The following SPTAN1 variants were observed in gnomAD, a reference collection of about 807,000 sequenced individuals.
The protein encoded by SPTAN1 is spectrin alpha, non-erythrocytic 1.
A neutral mutation model predicts 331.3 loss-of-function variants in SPTAN1; 61 were observed. The observed-to-expected ratio is 0.18, with a 90% CI of 0.15 to 0.23. The LOEUF (loss-of-function observed/expected upper bound fraction) is 0.23. SPTAN1 is among the 10% of genes least tolerant of loss of function. SPTAN1 has a pLI of 1.00. For synonymous variants in SPTAN1, 1,153 were observed against 1,173.9 expected, an observed-to-expected ratio of 0.98 and a Z score of 0.36; for missense variants, 2,043 against 3,147.9, an observed-to-expected ratio of 0.65 and a Z score of 8.40.
At position 128,574,678 on chromosome 9, in the gene SPTAN1, C is replaced by T. The variant is rs769857503; in HGVS notation, c.367C>T (p.Arg123Cys). The T allele has an allele frequency of 3.7e-6, 6 of 1,614,108 alleles. No homozygotes were observed. The highest frequency in any genetic ancestry group is 2.2e-5 in the East Asian group (1 of 44,890). ...GHFASETIRT[R>C]LMELHRQWEL... The stretch of plus-strand genomic sequence containing the variant: ...AACTCTGATTTGAAACTTTCAGACC[C>T]GTTTGATGGAGCTGCACCGCCAGTG... The change falls in exon 4 of 57, where the codon CGT becomes TGT. Residue 123 changes from arginine to cysteine, a missense_variant. Coordinates refer to ENST00000372739, the MANE Select transcript of SPTAN1 (RefSeq NM_001130438.3).
intron 45 of SPTAN1, among the ~76,000 whole-genome samples, chr9:128,622,821 C>T (rs1309620704): frequency 2.0e-5 from 3 of 151,938 alleles, no homozygotes; most frequent in African/African-American, 4.8e-5. Flanking sequence ...GGCGCAATCT[C>T]ACCTCACTGC....
intron 1 of SPTAN1, among the ~76,000 whole-genome samples, chr9:128,554,500 G>A (rs1271889658): frequency 2.6e-5 from 4 of 152,188 alleles, no homozygotes; most frequent in Admixed American, 6.5e-5. Flanking sequence ...TTCATCCAAA[G>A]TTGGGGGTCA....
At chr9:128,632,092 C>A (rs1406371108) in intron 52 of SPTAN1, 35 bp from the exon 53 acceptor site, 1 of 1,606,764 alleles carries the variant, frequency 6.2e-7, no homozygotes, top group South Asian at 1.1e-5. Context: ...AGCTGAGGGC[C>A]CCCGTCTGAG....
chr9:128,609,237 T>G lies in SPTAN1; in HGVS notation c.4711T>G (p.Leu1571Val). The G allele has an allele frequency of 6.2e-7, 1 of 1,614,156 alleles. No homozygotes were observed. The highest frequency in any genetic ancestry group is 8.5e-7 in the Non-Finnish European group (1 of 1,180,022). ...GATTGAGGCTTGGATCAGTGAAAAA[T>G]TGCAAACAGCGAGTGATGAGTCGTA... is the stretch of plus-strand genomic sequence containing the variant. The part of the protein sequence containing the change: ...DEIEAWISEK[L>V]QTASDESYKD... The change falls in exon 36 of 57, where the codon TTG becomes GTG. Residue 1571 changes from leucine to valine, a missense_variant. This residue lies in a region of SPTAN1 where 323 missense variants were observed against 581.1 expected (regional missense o/e 0.56). Coordinates refer to ENST00000372739, the MANE Select transcript of SPTAN1 (RefSeq NM_001130438.3).
chr9:128,574,037 G>A (rs1005297785), intron 3 of SPTAN1, among the ~76,000 whole-genome samples: 1 of 152,202 alleles, frequency 6.6e-6, no homozygotes, highest in Non-Finnish European at 1.5e-5. Flanking sequence ...ACAGGCATGA[G>A]CCGCTGCACC....
rs780978085 is a variant in SPTAN1, at chr9:128,632,204, C to T, written c.6840C>T (p.Ala2280=). 6.2e-7 allele frequency: 1 copy of T among 1,613,492 alleles called. No homozygotes were observed. Among genetic ancestry groups the T allele is most frequent in the Non-Finnish European group, 8.5e-7 (1 of 1,180,018 alleles). Reference sequence around the variant, plus strand: ...ACCTGGGGGCCGCCATGGAGGAGGCCCTCATCCTGGACAACAAGTACACGG... The same window carrying T: ...ACCTGGGGGCCGCCATGGAGGAGGCTCTCATCCTGGACAACAAGTACACGG... The part of the protein sequence containing the change: ...IEDLGAAMEE[A]LILDNKYTEH... Residue 2280 remains alanine, a synonymous_variant, in exon 53 of 57, where the codon GCC becomes GCT. Coordinates refer to ENST00000372739, the MANE Select transcript of SPTAN1 (RefSeq NM_001130438.3).
chr9:128,608,477 T>C lies in SPTAN1; in HGVS notation c.4491+201T>C, dbSNP rs7357662. Among the ~76,000 whole-genome samples the C allele has an allele frequency of 0.92, 139,681 of 152,200 alleles. 65,204 individuals carry two copies. The highest frequency in any genetic ancestry group is 1 in the Non-Finnish European group (67,933 of 68,038). On this transcript the variant is annotated intron_variant, in intron 34 of 56. Coordinates refer to ENST00000372739, the MANE Select transcript of SPTAN1 (RefSeq NM_001130438.3). The stretch of plus-strand genomic sequence containing the variant: ...GGGGGTGCCACAGGAAAAAAAAATA[T>C]TATCAAAGGGATGGAAAACAAATGT...
At chr9:128,623,019 G>A (rs1430359924) in intron 45 of SPTAN1, among the ~76,000 whole-genome samples, 1 of 151,806 alleles carries the variant, frequency 6.6e-6, no homozygotes. Context: ...CCAAAGTGCT[G>A]GGATTACAGG....
At position 128,618,958 on chromosome 9, in the gene SPTAN1, C is replaced by T; in HGVS notation, c.5688C>T (p.Thr1896=). 1 of 1,613,988 alleles carries T rather than the reference C, an allele frequency of 6.2e-7. No individual in the cohort carries two copies. The highest frequency in any genetic ancestry group is 8.5e-7 in the Non-Finnish European group (1 of 1,179,952). Residue 1896 remains threonine, a synonymous_variant, in exon 44 of 57, where the codon ACC becomes ACT. Coordinates refer to ENST00000372739, the MANE Select transcript of SPTAN1 (RefSeq NM_001130438.3). ...EEEAWINEKM[T]LVASEDYGDT... ...AAGCCTGGATCAATGAGAAAATGAC[C>T]CTGGTGGCCAGCGAAGATTATGGCG...
chr9:128,580,915 C>T lies in SPTAN1; in HGVS notation c.1324-7C>T. On this transcript the variant is annotated splice_polypyrimidine_tract_variant and splice_region_variant and intron_variant, in intron 10 of 56. Transcript: ENST00000372739. ...ATCTCCCTGACCATGTCTCCTATGC[C>T]CCCAAGCTGACCGTCCTTTCCGAGG... 6.2e-7 allele frequency: 1 copy of T among 1,612,558 alleles called. No homozygotes were observed. The highest frequency in any genetic ancestry group is 8.5e-7 in the Non-Finnish European group (1 of 1,180,020).
intron 24 of SPTAN1, chr9:128,596,682 A>G (rs1019132591): frequency 6.6e-6 from 1 of 152,168 alleles, no homozygotes; most frequent in African/African-American, 2.4e-5. Flanking sequence ...GTGCATTAAA[A>G]TTTTATCTCG....
At chr9:128,612,598 A>G (rs554297600) in intron 39 of SPTAN1, among the ~76,000 whole-genome samples, 8 of 152,328 alleles carry the variant, frequency 5.3e-5, no homozygotes, top group Non-Finnish European at 7.4e-5. Flanking sequence ...TGTATTCTCC[A>G]TGGAGAATGT....
intron 51 of SPTAN1, 147 bp downstream of exon 51, chr9:128,628,089 A>G (rs771294979): frequency 1.0e-6 from 1 of 1,001,002 alleles, no homozygotes; most frequent in Non-Finnish European, 1.6e-6. Flanking sequence ...TCGTCACCTG[A>G]TGAGGAGTGT....
rs369772583 is a variant in SPTAN1 at position 128,585,730 on chromosome 9, T to C, written c.2561-18T>C. The C allele has an allele frequency of 5.0e-6, 8 of 1,609,542 alleles. No homozygotes were observed. In the African/African-American group the frequency reaches 1.1e-4, roughly 22 times the overall value. On this transcript the variant is annotated intron_variant, in intron 18 of 56. Coordinates refer to ENST00000372739, the MANE Select transcript of SPTAN1 (RefSeq NM_001130438.3). Reference sequence around the variant, plus strand: ...TCAACGTAGTTTTTGTTATCCTCTTTCCCTACCCATCTTCCAGGCCATTTT... The same window carrying C: ...TCAACGTAGTTTTTGTTATCCTCTTCCCCTACCCATCTTCCAGGCCATTTT...
chr9:128,589,081 C>T, intron 21 of SPTAN1, 138 bp downstream of exon 21: 1 of 1,233,330 alleles, frequency 8.1e-7, no homozygotes, highest in Non-Finnish European at 1.1e-6. Flanking sequence ...CACCAATCCC[C>T]CACGTGACAT....
intron 24 of SPTAN1, among the ~76,000 whole-genome samples, chr9:128,597,175 GA>G (rs1286017911): frequency 6.6e-6 from 1 of 151,766 alleles, no homozygotes. Context: ...AGAAAAAAAA[GA>G]AAAAAAATTT....
At chr9:128,561,509 A>G (rs1368720196) in intron 1 of SPTAN1, among the ~76,000 whole-genome samples, 2 of 150,454 alleles carry the variant, frequency 1.3e-5, no homozygotes, top group Admixed American at 1.3e-4. Flanking sequence ...TAAAAATACA[A>G]AAAATTAGCC....
At chr9:128,604,133 C>T (rs1220172419) in intron 28 of SPTAN1, among the ~76,000 whole-genome samples, 193 bp from the exon 29 acceptor site, 2 of 152,230 alleles carry the variant, frequency 1.3e-5, no homozygotes, top group African/African-American at 4.8e-5. Context: ...GGTGTTGAAG[C>T]TGTCAAGCAC....
chr9:128,626,429 T>C lies in SPTAN1; in HGVS notation c.6318T>C (p.Ser2106=). ...DLFLTFAKKA[S]AFNSWFENAE... ...TCCTGACCTTCGCCAAAAAGGCTTCTGCCTTCAACAGCTGGTTTGAAAATG... is the reference window on the plus strand; with the variant it reads ...TCCTGACCTTCGCCAAAAAGGCTTCCGCCTTCAACAGCTGGTTTGAAAATG... The change falls in exon 49 of 57, where the codon TCT becomes TCC. Residue 2106 remains serine, a synonymous_variant. Transcript: ENST00000372739. 1 of 1,614,216 alleles carries C rather than the reference T, an allele frequency of 6.2e-7. No homozygotes were observed. The highest frequency in any genetic ancestry group is 8.5e-7 in the Non-Finnish European group (1 of 1,180,042).
Sources: allele counts gnomAD v4.1 joint callset (sites outside exome capture counted in the v4.1 genomes callset), GRCh38; gene constraint gnomAD v4.1.1; regional missense constraint gnomAD v4.1.1; transcripts MANE v1.5; gene names NCBI Gene and HGNC (gene_info 2026-07-23, HGNC 2026-07-21).